The following WDR17 variants were observed in gnomAD, a reference collection of about 807,000 sequenced individuals.
The protein encoded by WDR17 is WD repeat-containing protein 17.
In WDR17, 143 loss-of-function variants were observed where a neutral mutation model predicts 161.7. The ratio of observed to expected loss-of-function variants is 0.88; its 90% CI spans 0.77 to 1.02. The LOEUF is 1.02. Among genes scored for constraint, WDR17 ranks in the 50% least tolerant of loss-of-function variants. The pLI, the probability that WDR17 is intolerant of heterozygous loss-of-function variation, is 0.00. For synonymous variants in WDR17, 517 were observed against 515.6 expected, an observed-to-expected ratio of 1.00 and a Z score of -0.04; for missense variants, 1,469 against 1,520.9, an observed-to-expected ratio of 0.97 and a Z score of 0.57.
chr4:176,084,805 A>G (rs1216678260), intron 1 of WDR17, among the ~76,000 whole-genome samples: 1 of 147,984 alleles, frequency 6.8e-6, no homozygotes, highest in Non-Finnish European at 1.5e-5. Flanking sequence ...ATATATATAC[A>G]CACATGCTTA....
At chr4:176,115,264 T>C (rs567027869) in intron 2 of WDR17, among the ~76,000 whole-genome samples, 16 of 151,982 alleles carry the variant, frequency 1.1e-4, no homozygotes, top group Non-Finnish European at 2.2e-4. Context: ...AATTAGGCTG[T>C]TTATTTTTTC....
In WDR17 at chr4:176,138,920, A is replaced by G. The variant is rs186375504; in HGVS notation, c.1360-972A>G. ...TTAACTAAGCTACGTGTGTTCCACA[A>G]AAAGAATTATGGGATAGTAGAGAGT... is the stretch of plus-strand genomic sequence containing the variant. On this transcript the variant is annotated intron_variant, in intron 9 of 28. Transcript: ENST00000508596. Among the ~76,000 whole-genome samples, 1,168 of 152,026 alleles carry G rather than the reference A, an allele frequency of 7.7e-3. 9 individuals carry two copies. The highest frequency in any genetic ancestry group is 0.011 in the Non-Finnish European group (741 of 67,800).
intron 26 of WDR17, among the ~76,000 whole-genome samples, chr4:176,176,780 T>C (rs142689168): frequency 1.8e-3 from 269 of 150,464 alleles, no homozygotes; most frequent in African/African-American, 6.3e-3. Context: ...TGTCCAACCA[T>C]TCTTCATACA....
rs139183882 is a variant in WDR17 at position 176,160,949 on chromosome 4, C to T, written c.2697C>T (p.Ser899=). Residue 899 remains serine (S), a synonymous_variant, in exon 20 of 29, where the codon TCC becomes TCT. Transcript: ENST00000508596. ...GAAATATGCAGCCCTTACATGTTTC[C>T]GTGCCTAAAGGAGCTTCATATTCTG... ...CEGNMQPLHV[S]VPKGASYSDD... is the part of the protein sequence containing the mutation. 35 of 1,609,774 alleles carry T rather than the reference C, an allele frequency of 2.2e-5. 1 individual carries two copies. In the Admixed American group the frequency reaches 3.9e-4, roughly 18 times the overall value.
rs150074204 is a variant in WDR17 at position 176,100,988 on chromosome 4, G to A, written c.-6-10587G>A. ...GTACCATGCTATTTTGGTTACCATAGTCTTGTAATATAATTTGAAGTCAAG... is the reference window on the plus strand; with the variant it reads ...GTACCATGCTATTTTGGTTACCATAATCTTGTAATATAATTTGAAGTCAAG... On this transcript the variant is annotated intron_variant, in intron 1 of 28. Transcript: ENST00000508596. Among the ~76,000 whole-genome samples, 304 of 152,098 alleles carry A rather than the reference G, an allele frequency of 2.0e-3. 1 individual carries two copies. Among genetic ancestry groups the A allele is most frequent in the African/African-American group, 7.1e-3 (293 of 41,508 alleles).
chr4:176,093,389 G>A (rs958249560), intron 1 of WDR17, among the ~76,000 whole-genome samples: 1 of 152,020 alleles, frequency 6.6e-6, no homozygotes, highest in Non-Finnish European at 1.5e-5. Flanking sequence ...AAGTCATCTT[G>A]TGAAAAAAAT....
At chr4:176,125,776 A>G (rs1454774516) in intron 5 of WDR17, among the ~76,000 whole-genome samples, 1 of 152,240 alleles carries the variant, frequency 6.6e-6, no homozygotes, top group Non-Finnish European at 1.5e-5. Context: ...TGAATACCAC[A>G]GAATATTCTG....
chr4:176,172,834 C>T (rs1408471593), intron 24 of WDR17, among the ~76,000 whole-genome samples: 6 of 151,898 alleles, frequency 4.0e-5, no homozygotes, highest in Admixed American at 6.6e-5. Flanking sequence ...GGAGGTGCCA[C>T]GCTCTTAAAC....
intron 1 of WDR17, among the ~76,000 whole-genome samples, chr4:176,074,794 G>A (rs764020978): frequency 6.9e-6 from 1 of 144,024 alleles, no homozygotes; most frequent in Non-Finnish European, 1.5e-5. Context: ...CTGGGCATGC[G>A]GGATTTTTTT....
At position 176,139,919 on chromosome 4, in the gene WDR17, G is replaced by T. The variant is rs138006002; in HGVS notation, c.1387G>T (p.Ala463Ser). 3.4e-5 allele frequency: 55 copies of T among 1,611,706 alleles called. No individual in the cohort carries two copies. Among genetic ancestry groups the T allele is most frequent in the Non-Finnish European group, 4.7e-5 (55 of 1,178,634 alleles). ...EHGTNGIFCI[A>S]WSHKDSKRIA... ...TGGAACAAATGGAATATTCTGCATT[G>T]CCTGGAGTCATAAAGATTCTAAAAG... Residue 463 changes from alanine to serine, a missense_variant, in exon 10 of 29, where the codon GCC becomes TCC. Coordinates refer to ENST00000508596, the MANE Select transcript of WDR17 (RefSeq NM_181265.4).
At chr4:176,069,691 A>T (rs1490475742) in intron 1 of WDR17, among the ~76,000 whole-genome samples, 1 of 152,142 alleles carries the variant, frequency 6.6e-6, no homozygotes, top group Non-Finnish European at 1.5e-5. Context: ...TCCCAGGCAG[A>T]CTCATTTACA....
chr4:176,134,993 G>A, intron 7 of WDR17, 115 bp from the exon 8 acceptor site: 1 of 978,266 alleles, frequency 1.0e-6, no homozygotes, highest in Non-Finnish European at 1.5e-6. Context: ...ATATATTTTT[G>A]CATTAATATT....
intron 6 of WDR17, 72 bp downstream of exon 6, chr4:176,128,932 T>C: frequency 7.4e-7 from 1 of 1,350,422 alleles, no homozygotes; most frequent in Non-Finnish European, 9.8e-7. Context: ...AATGGTATAG[T>C]GAGATATCAA....
At chr4:176,152,968 T>A (rs562927151) in intron 17 of WDR17, among the ~76,000 whole-genome samples, 72 of 151,902 alleles carry the variant, frequency 4.7e-4, no homozygotes, top group African/African-American at 1.7e-3. Context: ...TTTTTACAGA[T>A]CTAATTGATT....
At chr4:176,138,281 A>G (rs1180068865) in intron 9 of WDR17, among the ~76,000 whole-genome samples, 2 of 151,714 alleles carry the variant, frequency 1.3e-5, no homozygotes, top group Non-Finnish European at 3.0e-5. Context: ...AAGCTTATTA[A>G]GTATATAATT....
intron 22 of WDR17, among the ~76,000 whole-genome samples, chr4:176,165,168 CA>C (rs199827209): frequency 1.0e-3 from 120 of 116,688 alleles, no homozygotes; most frequent in East Asian, 3.1e-3. Context: ...CTCTAAAATA[CA>C]AAAAAAAAAA....
At chr4:176,093,814 A>G (rs1025783373) in intron 1 of WDR17, among the ~76,000 whole-genome samples, 5 of 152,318 alleles carry the variant, frequency 3.3e-5, no homozygotes, top group South Asian at 2.1e-4. Context: ...GATCCCATCT[A>G]TTCTCATATA....
intron 20 of WDR17, among the ~76,000 whole-genome samples, chr4:176,161,757 T>C (rs966549953): frequency 6.6e-6 from 1 of 152,208 alleles, no homozygotes; most frequent in African/African-American, 2.4e-5. Flanking sequence ...TTTCTCAAAA[T>C]TTCAATTTGA....
intron 26 of WDR17, among the ~76,000 whole-genome samples, chr4:176,176,619 C>T (rs17671702): frequency 0.24 from 36,726 of 152,110 alleles, 4,753 homozygotes; most frequent in South Asian, 0.33. Context: ...TTGCTAAACT[C>T]CAGCCTAAAG....
Sources: allele counts gnomAD v4.1 joint callset (sites outside exome capture counted in the v4.1 genomes callset), GRCh38; gene constraint gnomAD v4.1.1; transcripts MANE v1.5; gene names NCBI Gene and HGNC (gene_info 2026-07-23, HGNC 2026-07-21).